TNFRSF10C: variants seen among roughly 807,000 people sequenced by gnomAD.
TNFRSF10C encodes TNF receptor superfamily member 10c.
TNFRSF10C carries 17 observed loss-of-function variants against 16.7 expected under a neutral mutation model. The ratio of observed to expected loss-of-function variants is 1.02; its 90% CI spans 0.70 to 1.53. The LOEUF (loss-of-function observed/expected upper bound fraction) is 1.53. Among genes scored for constraint, TNFRSF10C ranks in the 40% most tolerant of loss-of-function variants. TNFRSF10C has a pLI of 0.00. For missense variants in TNFRSF10C, 237 were observed against 329.7 expected, an observed-to-expected ratio of 0.72 and a Z score of 2.18; for synonymous variants, 73 against 119.7, an observed-to-expected ratio of 0.61 and a Z score of 2.55.
chr8:23,111,368 C>T, intron 1 of TNFRSF10C, among the ~76,000 whole-genome samples: 1 of 152,026 alleles, frequency 6.6e-6, no homozygotes, highest in Admixed American at 6.6e-5. Flanking sequence ...AGGTGTGTGC[C>T]ACCACACCCA....
chr8:23,114,761 T>C lies in TNFRSF10C; in HGVS notation c.271T>C (p.Cys91Arg), dbSNP rs778256901. 1 of 1,613,082 alleles carries C rather than the reference T, an allele frequency of 6.2e-7. No homozygotes were observed. Among genetic ancestry groups the C allele is most frequent in the Admixed American group, 1.7e-5 (1 of 60,018 alleles). Residue 91 changes from cysteine to arginine, a missense_variant, in exon 3 of 5, where the codon TGT (cysteine) becomes CGT (arginine). Physicochemically the swap from Cys to Arg is radical, Grantham distance 180. Around this residue, in one of 2 missense-constraint regions of TNFRSF10C, gnomAD observed 212 missense variants for 196.8 expected, o/e 1.08. Coordinates refer to ENST00000356864, the MANE Select transcript of TNFRSF10C (RefSeq NM_003841.5). ...NEPSCFPCTV[C>R]KSDQKHKSSC... is the part of the protein sequence containing the mutation. ...ACCTTCTTGCTTCCCATGTACAGTT[T>C]GTAAATCAGGTACAGAATGTGTGGA...
intron 4 of TNFRSF10C, 23 bp downstream of exon 4, chr8:23,115,639 C>T: frequency 6.2e-7 from 1 of 1,601,242 alleles, no homozygotes; most frequent in Non-Finnish European, 8.5e-7. Context: ...TCAGGGGCTC[C>T]TGACAGCTTT....
At chr8:23,107,250 A>C (rs1330007618) in intron 1 of TNFRSF10C, among the ~76,000 whole-genome samples, 12 of 152,234 alleles carry the variant, frequency 7.9e-5, no homozygotes, top group Non-Finnish European at 1.8e-4. Context: ...GAAGGAATCC[A>C]CACAGAATGC....
chr8:23,115,411 G>T, intron 3 of TNFRSF10C, 97 bp from the exon 4 acceptor site: 1 of 1,018,528 alleles, frequency 9.8e-7, no homozygotes, highest in South Asian at 1.5e-5. Flanking sequence ...ACTCCTTGGT[G>T]AACTTGGTTG....
At chr8:23,111,451 G>A (rs1347537348) in intron 1 of TNFRSF10C, among the ~76,000 whole-genome samples, 1 of 151,374 alleles carries the variant, frequency 6.6e-6, no homozygotes, top group Admixed American at 6.6e-5. Flanking sequence ...TCTTGACCTT[G>A]TGATCCACCT....
chr8:23,108,630 G>T (rs1813821584), intron 1 of TNFRSF10C, among the ~76,000 whole-genome samples: 1 of 152,208 alleles, frequency 6.6e-6, no homozygotes, highest in African/African-American at 2.4e-5. Context: ...AATTGTATAT[G>T]CCTAGTAATA....
intron 1 of TNFRSF10C, among the ~76,000 whole-genome samples, chr8:23,106,422 C>CA (rs1491562944): frequency 6.7e-6 from 1 of 149,140 alleles, no homozygotes; most frequent in Non-Finnish European, 1.5e-5. Context: ...GATGCCCCCC[C>CA]ACCCGATTTT....
At chr8:23,115,083 TC>T (rs1238027389) in intron 3 of TNFRSF10C, among the ~76,000 whole-genome samples, 1 of 152,022 alleles carries the variant, frequency 6.6e-6, no homozygotes, top group Non-Finnish European at 1.5e-5. Flanking sequence ...CCAGGCTCTC[TC>T]CCCCAGGCTC....
intron 1 of TNFRSF10C, among the ~76,000 whole-genome samples, chr8:23,103,719 A>G (rs1460108140): frequency 1.3e-5 from 2 of 152,000 alleles, no homozygotes; most frequent in Non-Finnish European, 2.9e-5. Flanking sequence ...TTCCACTACC[A>G]CCCGTGTGTC....
At chr8:23,108,228 T>C (rs910222122) in intron 1 of TNFRSF10C, among the ~76,000 whole-genome samples, 2 of 152,086 alleles carry the variant, frequency 1.3e-5, no homozygotes, top group Non-Finnish European at 2.9e-5. Flanking sequence ...ACTTGGAAGA[T>C]GGCCAAGCAG....
chr8:23,111,485 G>A lies in TNFRSF10C; in HGVS notation c.61-235G>A, dbSNP rs544172271. Among the ~76,000 whole-genome samples, 67 of 151,242 alleles carry A rather than the reference G, an allele frequency of 4.4e-4. 1 individual carries two copies. The South Asian group carries it at 0.014, about 31-fold the overall frequency. ...CTGCCTCAGACTTCCACATTGCTGGGATTACAAGCTTGAGCCATCGCGCTT... is the reference window on the plus strand; with the variant it reads ...CTGCCTCAGACTTCCACATTGCTGGAATTACAAGCTTGAGCCATCGCGCTT... On this transcript the variant is annotated intron_variant, in intron 1 of 4. Coordinates refer to ENST00000356864, the MANE Select transcript of TNFRSF10C (RefSeq NM_003841.5).
rs1450344822 is a variant in TNFRSF10C, at chr8:23,111,824, A to C, written c.165A>C (p.Ala55=). The change falls in exon 2 of 5, where the codon GCA becomes GCC. Residue 55 remains alanine, a splice_region_variant and synonymous_variant. Transcript: ENST00000356864. ...RHSFKGEECP[A]GSHRSEHTGA... ...GCTTCAAGGGGGAGGAGTGTCCAGCAGGTGCACTCTTATTTTTAAAAATCA... is the reference window on the plus strand; with the variant it reads ...GCTTCAAGGGGGAGGAGTGTCCAGCCGGTGCACTCTTATTTTTAAAAATCA... 6.2e-7 allele frequency: 1 copy of C among 1,613,840 alleles called. No homozygotes were observed. Among genetic ancestry groups the C allele is most frequent in the Admixed American group, 1.7e-5 (1 of 60,006 alleles).
At chr8:23,107,995 C>T (rs1291530690) in intron 1 of TNFRSF10C, among the ~76,000 whole-genome samples, 1 of 152,132 alleles carries the variant, frequency 6.6e-6, no homozygotes, top group Non-Finnish European at 1.5e-5. Context: ...TGGATGAGAT[C>T]CGAGTTACCC....
At chr8:23,109,579 G>A (rs1274978571) in intron 1 of TNFRSF10C, among the ~76,000 whole-genome samples, 1 of 151,596 alleles carries the variant, frequency 6.6e-6, no homozygotes, top group Non-Finnish European at 1.5e-5. Context: ...GGAGCTTGCA[G>A]TGAGCCGAGA....
intron 2 of TNFRSF10C, among the ~76,000 whole-genome samples, chr8:23,112,348 T>C (rs976835647): frequency 2.0e-5 from 3 of 152,224 alleles, no homozygotes; most frequent in African/African-American, 7.2e-5. Context: ...TCCCTGTGGA[T>C]AGAAGGCAGG....
intron 1 of TNFRSF10C, among the ~76,000 whole-genome samples, chr8:23,111,278 G>A (rs1024802106): frequency 1.1e-4 from 17 of 151,062 alleles, no homozygotes; most frequent in East Asian, 3.9e-4. Flanking sequence ...GTGCAATGGC[G>A]CGATCTTGGC....
At chr8:23,111,318 G>C (rs1276392979) in intron 1 of TNFRSF10C, among the ~76,000 whole-genome samples, 1 of 151,816 alleles carries the variant, frequency 6.6e-6, no homozygotes, top group Non-Finnish European at 1.5e-5. Flanking sequence ...TCAGGTTCAA[G>C]CTATTCTCCT....
In TNFRSF10C at chr8:23,111,812, G is replaced by C. The variant is rs755286713; in HGVS notation, c.153G>C (p.Glu51Asp). The change falls in exon 2 of 5, where the codon GAG (glutamate) becomes GAC (aspartate). Residue 51 changes from glutamate to aspartate, a missense_variant. This residue lies in a region of TNFRSF10C where 212 missense variants were observed against 196.8 expected (regional missense o/e 1.08). Transcript: ENST00000356864. ...AACAGAGGCACAGCTTCAAGGGGGA[G>C]GAGTGTCCAGCAGGTGCACTCTTAT... Reference protein sequence around the residue: ...PQQQRHSFKGEECPAGSHRSE... With the variant: ...PQQQRHSFKGDECPAGSHRSE... 1.2e-6 allele frequency: 2 copies of C among 1,614,058 alleles called. No individual in the cohort carries two copies. Among genetic ancestry groups the C allele is most frequent in the Non-Finnish European group, 1.7e-6 (2 of 1,179,950 alleles).
At chr8:23,108,026 C>A (rs967351157) in intron 1 of TNFRSF10C, among the ~76,000 whole-genome samples, 1 of 152,116 alleles carries the variant, frequency 6.6e-6, no homozygotes, top group Non-Finnish European at 1.5e-5. Context: ...GCGGCGAATC[C>A]GTATGCGTCC....
Sources: allele counts gnomAD v4.1 joint callset (sites outside exome capture counted in the v4.1 genomes callset), GRCh38; gene constraint gnomAD v4.1.1; regional missense constraint gnomAD v4.1.1; transcripts MANE v1.5; gene names NCBI Gene and HGNC (gene_info 2026-07-23, HGNC 2026-07-21).